AGO1: variants seen among roughly 807,000 people sequenced by gnomAD.
AGO1 encodes the protein protein argonaute-1.
A neutral mutation model predicts 109.2 loss-of-function variants in AGO1; 11 were observed. The ratio of observed to expected loss-of-function variants is 0.10; its 90% CI spans 0.06 to 0.17. The LOEUF (loss-of-function observed/expected upper bound fraction) is 0.17, where lower values mean the gene tolerates loss of function less well. Among genes scored for constraint, AGO1 ranks in the 10% least tolerant of loss-of-function variants. AGO1 has a pLI of 1.00. For missense variants in AGO1, 574 were observed against 1,140.3 expected, an observed-to-expected ratio of 0.50 and a Z score of 7.15; for synonymous variants, 422 against 418.6, an observed-to-expected ratio of 1.01 and a Z score of -0.10.
intron 2 of AGO1, among the ~76,000 whole-genome samples, chr1:35,892,074 T>TA (rs1046180576): frequency 2.0e-5 from 3 of 152,066 alleles, no homozygotes; most frequent in Admixed American, 6.6e-5. Flanking sequence ...TTGTAGAAGA[T>TA]ACGGTCTCAC....
At chr1:35,903,278 T>C (rs1645453755) in intron 11 of AGO1, among the ~76,000 whole-genome samples, 3 of 151,734 alleles carry the variant, frequency 2.0e-5, no homozygotes, top group African/African-American at 7.3e-5. Context: ...AGTGCTGGGA[T>C]TATAGGCATG....
intron 7 of AGO1, 28 bp downstream of exon 7, chr1:35,894,430 CTTTGT>C (rs1557607770): frequency 1.2e-6 from 2 of 1,608,638 alleles, no homozygotes; most frequent in South Asian, 2.2e-5. Flanking sequence ...CTGAGTCATA[CTTTGT>C]TGGTGGAGAA....
chr1:35,883,407 G>A lies in AGO1; in HGVS notation c.-15G>A, dbSNP rs1227307292. Reference sequence around the variant, plus strand: ...ACAGTCTCCGGGCCGCCTGACCTCCGCACGGGTATATGGGATGGAAGCGGG... The same window carrying A: ...ACAGTCTCCGGGCCGCCTGACCTCCACACGGGTATATGGGATGGAAGCGGG... On this transcript the variant is annotated 5_prime_UTR_variant, in exon 1 of 19. Coordinates refer to ENST00000373204, the MANE Select transcript of AGO1 (RefSeq NM_012199.5). This position sits in a 1 kb window ranked among gnomAD's most constrained non-coding sequence, Gnocchi z 5.4. 3.8e-6 allele frequency: 6 copies of A among 1,579,670 alleles called. No homozygotes were observed. Among genetic ancestry groups the A allele is most frequent in the African/African-American group, 2.8e-5 (2 of 71,420 alleles).
rs1380581433 is a variant in AGO1, at chr1:35,883,499, C to T, written c.25+53C>T. On this transcript the variant is annotated intron_variant, in intron 1 of 18. Transcript: ENST00000373204. The surrounding 1 kb of genome is among the most constrained non-coding windows in gnomAD (Gnocchi z 5.4). Reference sequence around the variant, plus strand: ...GCATGCTCCAAGGACTGGGGGATCCCGCATGAAAAGCGTGGTTTCCAAGTG... The same window carrying T: ...GCATGCTCCAAGGACTGGGGGATCCTGCATGAAAAGCGTGGTTTCCAAGTG... The T allele has an allele frequency of 2.8e-5, 42 of 1,488,222 alleles. No homozygotes were observed. Among genetic ancestry groups the T allele is most frequent in the African/African-American group, 4.4e-5 (3 of 67,682 alleles). The allele number at this position is 1,488,222 out of a possible 1,614,324, so 92.2% of individuals were successfully genotyped here.
chr1:35,883,437 T>G lies in AGO1; in HGVS notation c.16T>G (p.Ser6Ala), dbSNP rs763615615. MEAGP[S>A]GAAAGAYLPP... is the part of the protein sequence containing the mutation. ...GGTATATGGGATGGAAGCGGGACCCTCGGGAGCAGGTAAGGGTCCCCAGGA... is the reference window on the plus strand; with the variant it reads ...GGTATATGGGATGGAAGCGGGACCCGCGGGAGCAGGTAAGGGTCCCCAGGA... The change falls in exon 1 of 19, where the codon TCG (serine) becomes GCG (alanine). Residue 6 changes from serine (S) to alanine (A), a missense_variant. Ser to Ala is a moderately conservative substitution (Grantham distance 99, BLOSUM62 1). This residue lies in a region of AGO1 where 89 missense variants were observed against 109.6 expected (regional missense o/e 0.81). Coordinates refer to ENST00000373204, the MANE Select transcript of AGO1 (RefSeq NM_012199.5). The surrounding 1 kb of genome is among the most constrained non-coding windows in gnomAD (Gnocchi z 5.4). 4 of 1,570,058 alleles carry G rather than the reference T, an allele frequency of 2.5e-6. No homozygotes were observed. The South Asian group carries it at 4.6e-5, about 18-fold the overall frequency.
Position 35,907,340 on chromosome 1 carries a change from C to A in AGO1, c.1582+221C>A, listed in dbSNP as rs376498816. ...CCTTCCCAGCAACATTTACTGGGGTCCTTTGTGTGCTGGTCCTCATGCCAG... is the reference window on the plus strand; with the variant it reads ...CCTTCCCAGCAACATTTACTGGGGTACTTTGTGTGCTGGTCCTCATGCCAG... On this transcript the variant is annotated intron_variant, in intron 12 of 18. Transcript: ENST00000373204. Among the ~76,000 whole-genome samples, 304 of 152,194 alleles carry A rather than the reference C, an allele frequency of 2.0e-3. 9 individuals are homozygous for A. In the South Asian group the frequency reaches 0.061, roughly 30 times the overall value.
chr1:35,876,685 A>G (rs1336675834), intron 1 of AGO1, among the ~76,000 whole-genome samples: 9 of 152,194 alleles, frequency 5.9e-5, no homozygotes, highest in Non-Finnish European at 8.8e-5. Context: ...GCATAAACCT[A>G]GTTGATATGG....
rs1311204694 is a variant in AGO1, at chr1:35,925,778, T to C, written c.*6171T>C. 1 of 152,188 alleles carries C rather than the reference T, an allele frequency of 6.6e-6. No homozygotes were observed. Among genetic ancestry groups the C allele is most frequent in the Non-Finnish European group, 1.5e-5 (1 of 68,036 alleles). The allele number at this position is 152,188 out of a possible 1,614,324, so 9.4% of individuals were successfully genotyped here. ...ATGGTTTTGTACTTTAAGCTGGTGG[T>C]ATAATTGTCAAGCATGTAAATTCTG... is the stretch of plus-strand genomic sequence containing the variant. On this transcript the variant is annotated 3_prime_UTR_variant, in exon 19 of 19. Transcript: ENST00000373204.
At chr1:35,870,609 G>C (rs963244632) in intron 1 of AGO1, among the ~76,000 whole-genome samples, 1 of 152,100 alleles carries the variant, frequency 6.6e-6, no homozygotes, top group African/African-American at 2.4e-5. Context: ...GAGAGTATTT[G>C]AACAGACACC....
chr1:35,902,152 C>T, intron 10 of AGO1, 52 bp from the exon 11 acceptor site: 2 of 1,594,896 alleles, frequency 1.3e-6, no homozygotes, highest in South Asian at 2.3e-5. Flanking sequence ...TGCTCCCCTA[C>T]CCACCTGACT....
chr1:35,904,176 G>C (rs1645475359), intron 11 of AGO1, among the ~76,000 whole-genome samples: 1 of 145,808 alleles, frequency 6.9e-6, no homozygotes, highest in African/African-American at 2.6e-5. Context: ...CGCCATCTCG[G>C]CTCACTGCAA....
rs750676879 is a variant in AGO1 at position 35,929,952 on chromosome 1, G to A, written c.*10345G>A. On this transcript the variant is annotated 3_prime_UTR_variant, in exon 19 of 19. Coordinates refer to ENST00000373204, the MANE Select transcript of AGO1 (RefSeq NM_012199.5). Reference sequence around the variant, plus strand: ...GACTGATCCAAAGTCCCACAGTGAGGGGAACTGAAGATAGGATATTCTTTC... The same window carrying A: ...GACTGATCCAAAGTCCCACAGTGAGAGGAACTGAAGATAGGATATTCTTTC... 101 of 152,106 alleles carry A rather than the reference G, an allele frequency of 6.6e-4. No individual in the cohort carries two copies. Among genetic ancestry groups the A allele is most frequent in the Non-Finnish European group, 1.2e-3 (82 of 67,992 alleles). 9.4% of individuals were successfully genotyped at this position (152,106 alleles called of 1,614,324 possible).
At chr1:35,891,799 A>G (rs533690759) in intron 2 of AGO1, among the ~76,000 whole-genome samples, 2 of 152,184 alleles carry the variant, frequency 1.3e-5, no homozygotes, top group South Asian at 4.2e-4. Flanking sequence ...TTGGGAGCTC[A>G]AGCAAATTGC....
At chr1:35,905,935 T>G (rs1645511558) in intron 11 of AGO1, among the ~76,000 whole-genome samples, 1 of 152,250 alleles carries the variant, frequency 6.6e-6, no homozygotes, top group African/African-American at 2.4e-5. Context: ...CTCATAAAAC[T>G]ATCACATTGC....
Position 35,893,950 on chromosome 1 carries a change from T to C in AGO1, c.650-87T>C. The C allele has an allele frequency of 6.6e-7, 1 of 1,522,324 alleles. No homozygotes were observed. Among genetic ancestry groups the C allele is most frequent in the East Asian group, 2.3e-5 (1 of 43,904 alleles). 94.3% of individuals were successfully genotyped at this position (1,522,324 alleles called of 1,614,324 possible). A position where few individuals can be genotyped will look rare whatever the true frequency, so the allele number is the denominator to read the frequency against. On this transcript the variant is annotated intron_variant, in intron 5 of 18. Transcript: ENST00000373204. This position sits in a 1 kb window ranked among gnomAD's most constrained non-coding sequence, Gnocchi z 5.6. The stretch of plus-strand genomic sequence containing the variant: ...ACCCCCTTCCCCCATCCCAATGCCC[T>C]TTAAGGAAGAGGGTATAAATTGCTG...
chr1:35,914,130 G>A, intron 13 of AGO1, 54 bp from the exon 14 acceptor site: 1 of 1,600,532 alleles, frequency 6.2e-7, no homozygotes, highest in Non-Finnish European at 8.6e-7. Context: ...ACTGGATGGT[G>A]CCAGCTAGAG....
intron 8 of AGO1, among the ~76,000 whole-genome samples, chr1:35,896,039 G>T (rs1273287815): frequency 6.6e-6 from 1 of 151,008 alleles, no homozygotes; most frequent in Non-Finnish European, 1.5e-5. Flanking sequence ...CGTTCTTGTT[G>T]CCCAGGCTGG....
At chr1:35,885,005 C>T (rs977391263) in intron 1 of AGO1, among the ~76,000 whole-genome samples, 1 of 152,074 alleles carries the variant, frequency 6.6e-6, no homozygotes, top group South Asian at 2.1e-4. Flanking sequence ...CCCTCCCACC[C>T]TCCCAAGGAA....
At position 35,894,106 on chromosome 1, in the gene AGO1, A is replaced by C; in HGVS notation, c.719A>C (p.Asn240Thr). Residue 240 changes from asparagine to threonine, a missense_variant, in exon 6 of 19, where the codon AAC becomes ACC. Around this residue, in one of 8 missense-constraint regions of AGO1, gnomAD observed 129 missense variants for 243.0 expected, o/e 0.53. Transcript: ENST00000373204. ...ATGTGTGAGGTGCTGGACATCAGGAACATAGATGAGCAGCCCAAGCCCCTC... is the reference window on the plus strand; with the variant it reads ...ATGTGTGAGGTGCTGGACATCAGGACCATAGATGAGCAGCCCAAGCCCCTC... The part of the protein sequence containing the change: ...EFMCEVLDIR[N>T]IDEQPKPLTD... 1.9e-6 allele frequency: 3 copies of C among 1,591,200 alleles called. No individual in the cohort carries two copies. Among genetic ancestry groups the C allele is most frequent in the Non-Finnish European group, 2.6e-6 (3 of 1,169,582 alleles).
Sources: allele counts gnomAD v4.1 joint callset (sites outside exome capture counted in the v4.1 genomes callset), GRCh38; gene constraint gnomAD v4.1.1; regional missense constraint gnomAD v4.1.1; non-coding constraint Gnocchi (gnomAD v3.1); transcripts MANE v1.5; gene names NCBI Gene and HGNC (gene_info 2026-07-23, HGNC 2026-07-21).